The following LMNA variants were observed in gnomAD, a reference collection of about 807,000 sequenced individuals.
LMNA encodes the protein lamin A/C.
A neutral mutation model predicts 70.4 loss-of-function variants in LMNA; 20 were observed. The ratio of observed to expected loss-of-function variants is 0.28; its 90% CI spans 0.20 to 0.41. The LOEUF (loss-of-function observed/expected upper bound fraction) is 0.41. Ranked by LOEUF, LMNA falls within the 10% of genes least tolerant of loss-of-function variation. The probability of loss-of-function intolerance (pLI) is 1.00; values close to 1 mark genes in which losing one functional copy is unlikely to be tolerated. For missense variants in LMNA, 652 were observed against 917.2 expected (o/e 0.71, Z 3.73); for synonymous variants, 339 against 372.8 (o/e 0.91, Z 1.04).
chr1:156,132,749 C>A (rs1366777928), intron 2 of LMNA, among the ~76,000 whole-genome samples: 1 of 152,068 alleles, frequency 6.6e-6, no homozygotes, highest in Non-Finnish European at 1.5e-5. Flanking sequence ...ACCCTTCCCC[C>A]AGCCCTTCCT....
intron 1 of LMNA, among the ~76,000 whole-genome samples, chr1:156,117,969 A>ATTTTTTTTTTTTTTTTTTT (rs1186679791): frequency 6.5e-5 from 6 of 91,910 alleles, no homozygotes; most frequent in African/African-American, 8.8e-5. Flanking sequence ...CGCTTGGCTA[A>ATTTTTTTTTTTTTTTTTTT]TTTTTTTTTT....
intron 3 of LMNA, among the ~76,000 whole-genome samples, chr1:156,104,413 C>G (rs1354244035): frequency 6.6e-6 from 1 of 152,148 alleles, no homozygotes; most frequent in Admixed American, 6.5e-5. Flanking sequence ...TAGTTGCCCC[C>G]TCCTCAATTT....
chr1:156,136,865 C>T lies in LMNA; in HGVS notation c.1381-56C>T. On this transcript the variant is annotated intron_variant, in intron 7 of 11. Transcript: ENST00000368300. This position sits in a 1 kb window ranked among gnomAD's most constrained non-coding sequence, Gnocchi z 6.1. ...GAGGGCTGGGCCTTTGAGCAAGATA[C>T]ACCCAAGAGCCTGGGTGAGCCTCCC... is the stretch of plus-strand genomic sequence containing the variant. 1 of 1,465,684 alleles carries T rather than the reference C, an allele frequency of 6.8e-7. No homozygotes were observed. Among genetic ancestry groups the T allele is most frequent in the Non-Finnish European group, 9.4e-7 (1 of 1,062,016 alleles). 90.8% of individuals were successfully genotyped at this position (1,465,684 alleles called of 1,614,324 possible).
chr1:156,114,046 G>A (rs977020249), upstream of LMNA, among the ~76,000 whole-genome samples: 2 of 151,350 alleles, frequency 1.3e-5, no homozygotes, highest in Non-Finnish European at 2.9e-5. Flanking sequence ...GATAGATTGG[G>A]GCAAAAGAAA....
rs779407084 is a variant in LMNA, at chr1:156,136,149, C to A, written c.1157+28C>A. 2 of 1,613,256 alleles carry A rather than the reference C, an allele frequency of 1.2e-6. No homozygotes were observed. Among genetic ancestry groups the A allele is most frequent in the East Asian group, 4.5e-5 (2 of 44,880 alleles). On this transcript the variant is annotated intron_variant, in intron 6 of 11. Transcript: ENST00000368300. The surrounding 1 kb of genome is among the most constrained non-coding windows in gnomAD (Gnocchi z 6.1). ...GGGCTGGGGAGACGTCGGGGAGGTG[C>A]TGGCAGTGTCCTCTGGCCGGCAACT...
At chr1:156,114,282 A>G (rs1572330938), upstream of LMNA, among the ~76,000 whole-genome samples, 2 of 152,280 alleles carry the variant, frequency 1.3e-5, no homozygotes, top group East Asian at 3.9e-4. Flanking sequence ...TGGTGGAAGA[A>G]GGGTGAGTCA....
intron 1 of LMNA, 21 bp from the exon 2 acceptor site, chr1:156,130,596 A>G: frequency 1.2e-6 from 2 of 1,612,692 alleles, no homozygotes; most frequent in Non-Finnish European, 1.7e-6. Flanking sequence ...TCTTAAATCT[A>G]CTCTCCCCTC....
Position 156,138,918 on chromosome 1 carries a change from C to G in LMNA, c.1968+161C>G, listed in dbSNP as rs1651895211. Among the ~76,000 whole-genome samples, 1 of 152,202 alleles carries G rather than the reference C, an allele frequency of 6.6e-6. No homozygotes were observed. The highest frequency in any genetic ancestry group is 1.5e-5 in the Non-Finnish European group (1 of 68,030). On this transcript the variant is annotated intron_variant, in intron 11 of 11. Coordinates refer to ENST00000368300, the MANE Select transcript of LMNA (RefSeq NM_170707.4). The surrounding 1 kb of genome is among the most constrained non-coding windows in gnomAD (Gnocchi z 5.5). ...AGCCTGAGTCCTAGACAGCCCACCT[C>G]TGCATCCTGCCCCTCTTGTCTGAGC...
Position 156,135,825 on chromosome 1 carries a change from C to A in LMNA, c.937-76C>A. 7.7e-7 allele frequency: 1 copy of A among 1,297,178 alleles called. No individual in the cohort carries two copies. The highest frequency in any genetic ancestry group is 1.1e-6 in the Non-Finnish European group (1 of 915,022). 80.4% of individuals were successfully genotyped at this position (1,297,178 alleles called of 1,614,324 possible). Reference sequence around the variant, plus strand: ...CCTGGAGAGAGTAGCCAGGTGTCTCCTACACCGACCCACGTCCCTCCTTCC... The same window carrying A: ...CCTGGAGAGAGTAGCCAGGTGTCTCATACACCGACCCACGTCCCTCCTTCC... On this transcript the variant is annotated intron_variant, in intron 5 of 11. Coordinates refer to ENST00000368300, the MANE Select transcript of LMNA (RefSeq NM_170707.4). The surrounding 1 kb of genome is among the most constrained non-coding windows in gnomAD (Gnocchi z 4.8).
chr1:156,128,027 G>A (rs1009050106), intron 1 of LMNA, among the ~76,000 whole-genome samples: 2 of 152,052 alleles, frequency 1.3e-5, no homozygotes, highest in Non-Finnish European at 2.9e-5. Flanking sequence ...TGTGGCTTGT[G>A]CCAAAGTGGT....
At position 156,138,862 on chromosome 1, in the gene LMNA, C is replaced by T. The variant is rs1415915392; in HGVS notation, c.1968+105C>T. On this transcript the variant is annotated intron_variant, in intron 11 of 11. Transcript: ENST00000368300. The surrounding 1 kb of genome is among the most constrained non-coding windows in gnomAD (Gnocchi z 5.5). ...GGGGGAGAGCCTGCCTTCTCTTCCG[C>T]AGCCCGGGGGAGTGGGAGCCTCCTC... 21 of 1,486,500 alleles carry T rather than the reference C, an allele frequency of 1.4e-5. No homozygotes were observed. The highest frequency in any genetic ancestry group is 1.8e-5 in the Non-Finnish European group (19 of 1,076,170). The allele number at this position is 1,486,500 out of a possible 1,614,324, so 92.1% of individuals were successfully genotyped here. A position where few individuals can be genotyped will look rare whatever the true frequency, so the allele number is the denominator to read the frequency against.
chr1:156,128,897 T>C (rs1650807626), intron 1 of LMNA, among the ~76,000 whole-genome samples: 1 of 152,170 alleles, frequency 6.6e-6, no homozygotes, highest in Admixed American at 6.5e-5. Context: ...CCCAAGGAGC[T>C]CGGAATCTAA....
upstream of LMNA, among the ~76,000 whole-genome samples, chr1:156,112,791 C>A (rs2102812426): frequency 6.6e-6 from 1 of 152,328 alleles, no homozygotes; most frequent in East Asian, 1.9e-4. Context: ...CCCTCATCCA[C>A]CCCGAGGCCA....
chr1:156,088,829 T>C (rs1434276976), intron 2 of LMNA, among the ~76,000 whole-genome samples: 5 of 152,132 alleles, frequency 3.3e-5, no homozygotes, highest in Non-Finnish European at 4.4e-5. Context: ...GTTTTTGTTA[T>C]TTTTAGTAGA....
At chr1:156,133,806 T>C (rs2102876436) in intron 2 of LMNA, among the ~76,000 whole-genome samples, 1 of 152,164 alleles carries the variant, frequency 6.6e-6, no homozygotes, top group African/African-American at 2.4e-5. Context: ...TACATGCTTG[T>C]TTCTGCCCTT....
chr1:156,091,431 G>T (rs7542186), intron 3 of LMNA, among the ~76,000 whole-genome samples: 3 of 152,034 alleles, frequency 2.0e-5, no homozygotes, highest in East Asian at 1.9e-4. Context: ...GGAGAAACCC[G>T]GTCTCTACTA....
rs1651848875 is a variant in LMNA at position 156,138,408 on chromosome 1, G to A, written c.1699-80G>A. On this transcript the variant is annotated intron_variant, in intron 10 of 11. Coordinates refer to ENST00000368300, the MANE Select transcript of LMNA (RefSeq NM_170707.4). This position sits in a 1 kb window ranked among gnomAD's most constrained non-coding sequence, Gnocchi z 5.5. ...CTTCCTGCCTGGCGGCTGGGAGCCT[G>A]CAGGAGCCTGGAGCCTGGTTGGGCC... 1 of 1,501,414 alleles carries A rather than the reference G, an allele frequency of 6.7e-7. No individual in the cohort carries two copies. Among genetic ancestry groups the A allele is most frequent in the Non-Finnish European group, 9.1e-7 (1 of 1,104,424 alleles). The allele number at this position is 1,501,414 out of a possible 1,614,324, so 93.0% of individuals were successfully genotyped here.
chr1:156,104,526 C>T (rs1649253978), intron 3 of LMNA, among the ~76,000 whole-genome samples: 1 of 152,072 alleles, frequency 6.6e-6, no homozygotes, highest in Non-Finnish European at 1.5e-5. Flanking sequence ...TCCCCAACCT[C>T]TTCCCTGTCT....
rs1651654540 is a variant in LMNA, at chr1:156,136,539, G to C, written c.1380+103G>C. 2 of 1,190,692 alleles carry C rather than the reference G, an allele frequency of 1.7e-6. No individual in the cohort carries two copies. The highest frequency in any genetic ancestry group is 2.0e-5 in the Admixed American group (1 of 50,554). The allele number at this position is 1,190,692 out of a possible 1,614,324, so 73.8% of individuals were successfully genotyped here. A position where few individuals can be genotyped will look rare whatever the true frequency, so the allele number is the denominator to read the frequency against. ...GAGAGGAACATCCTTGCCCTCAGAG[G>C]GTGGACCAGGGTGAGCCTGTATATC... On this transcript the variant is annotated intron_variant, in intron 7 of 11. Transcript: ENST00000368300. This position sits in a 1 kb window ranked among gnomAD's most constrained non-coding sequence, Gnocchi z 6.1.
Sources: allele counts gnomAD v4.1 joint callset (sites outside exome capture counted in the v4.1 genomes callset), GRCh38; gene constraint gnomAD v4.1.1; non-coding constraint Gnocchi (gnomAD v3.1); transcripts MANE v1.5; gene names NCBI Gene and HGNC (gene_info 2026-07-23, HGNC 2026-07-21).